EIF2S3: variants seen among roughly 807,000 people sequenced by gnomAD.
EIF2S3 encodes the protein eukaryotic translation initiation factor 2 subunit 3.
Under a neutral mutation model 31.7 loss-of-function variants are expected in EIF2S3, and 2 were observed. The ratio of observed to expected loss-of-function variants is 0.06; its 90% CI spans 0.03 to 0.20. EIF2S3 has a LOEUF of 0.20. Ranked by LOEUF, EIF2S3 falls within the 10% of genes least tolerant of loss-of-function variation. The probability of loss-of-function intolerance (pLI) is 1.00; values close to 1 mark genes in which losing one functional copy is unlikely to be tolerated. For missense variants in EIF2S3, 96 were observed against 359.3 expected, an observed-to-expected ratio of 0.27 and a Z score of 5.92; for synonymous variants, 120 against 126.7, an observed-to-expected ratio of 0.95 and a Z score of 0.36.
chrX:24,072,989 A>T (rs1049457751), intron 10 of EIF2S3, 102 bp from the exon 11 acceptor site: 1 of 912,663 alleles, frequency 1.1e-6, no homozygotes, highest in Non-Finnish European at 1.5e-6. Flanking sequence ...AATTTTTTTT[A>T]TGATTGACAT....
chrX:24,060,822 G>T (rs1272253211), intron 5 of EIF2S3, among the ~76,000 whole-genome samples: 1 of 106,979 alleles, frequency 9.3e-6, no homozygotes, highest in South Asian at 4.1e-4. Flanking sequence ...TTAGCCGGGT[G>T]TGGTGGCGCA....
In EIF2S3 at chrX:24,077,735, C is replaced by T. The variant is rs1057466974; in HGVS notation, c.*950C>T. 1 of 111,839 alleles carries T rather than the reference C, an allele frequency of 8.9e-6. No individual in the cohort carries two copies. The highest frequency in any genetic ancestry group is 3.2e-5 in the African/African-American group (1 of 30,814). The allele number at this position is 111,839 out of a possible 1,213,427, so 9.2% of individuals were successfully genotyped here. A position where few individuals can be genotyped will look rare whatever the true frequency, so the allele number is the denominator to read the frequency against. ...GGAAACCAGAGTCAAAAGTTATCTC[C>T]CTCTCCCTGTGATGCCTTGAGATTT... On this transcript the variant is annotated 3_prime_UTR_variant, in exon 12 of 12. Transcript: ENST00000253039.
In EIF2S3 at chrX:24,055,055, G is replaced by A. The variant is rs1481178771; in HGVS notation, c.69+18G>A. 6 of 1,209,058 alleles carry A rather than the reference G, an allele frequency of 5.0e-6. No homozygotes were observed. Among genetic ancestry groups the A allele is most frequent in the Non-Finnish European group, 6.7e-6 (6 of 893,775 alleles). ...CCACCTTGGTGAGGTTTTGCTTGGG[G>A]AGGATGCAGAGTGAGCTCAGGAGTG... On this transcript the variant is annotated intron_variant, in intron 1 of 11. Transcript: ENST00000253039.
intron 9 of EIF2S3, among the ~76,000 whole-genome samples, chrX:24,070,439 G>GTTTTTTTTTTTTTTTTTTT (rs768908773): frequency 2.0e-5 from 1 of 50,973 alleles, no homozygotes. Flanking sequence ...ATCATATGTA[G>GTTTTTTTTTTTTTTTTTTT]TTTTTTTTTT....
chrX:24,072,174 C>T (rs774318826), intron 10 of EIF2S3, among the ~76,000 whole-genome samples: 3 of 111,091 alleles, frequency 2.7e-5, no homozygotes, highest in African/African-American at 6.5e-5. Context: ...CCACTGCGTC[C>T]GGCCAAAATT....
At chrX:24,059,804 A>T (rs1210044542) in intron 4 of EIF2S3, among the ~76,000 whole-genome samples, 1 of 111,976 alleles carries the variant, frequency 8.9e-6, no homozygotes, top group Non-Finnish European at 1.9e-5. Flanking sequence ...AATCAATGAC[A>T]TTCTCAGTAT....
Position 24,073,272 on chromosome X carries a change from G to A in EIF2S3, c.1355+9G>A. 6 of 1,210,596 alleles carry A rather than the reference G, an allele frequency of 5.0e-6. No individual in the cohort carries two copies. The highest frequency in any genetic ancestry group is 5.6e-6 in the Non-Finnish European group (5 of 894,972). The stretch of plus-strand genomic sequence containing the variant: ...GTTGAAAAACACTGGCGGTAAGTTT[G>A]TTAGTCTTTGCCACTGTCTAATTAA... On this transcript the variant is annotated intron_variant, in intron 11 of 11. Transcript: ENST00000253039.
chrX:24,059,757 CGTGG>C (rs1930463236), intron 4 of EIF2S3, among the ~76,000 whole-genome samples: 1 of 111,901 alleles, frequency 8.9e-6, no homozygotes, highest in African/African-American at 3.3e-5. Flanking sequence ...ATTCTGTTAA[CGTGG>C]TTTTTATAAG....
intron 7 of EIF2S3, 46 bp from the exon 8 acceptor site, chrX:24,065,952 C>T: frequency 9.4e-7 from 1 of 1,069,447 alleles, no homozygotes; most frequent in Non-Finnish European, 1.3e-6. Flanking sequence ...AATATTTCTT[C>T]TAAAGTTAAG....
chrX:24,056,053 G>GT (rs914386433), intron 2 of EIF2S3, among the ~76,000 whole-genome samples: 14 of 111,502 alleles, frequency 1.3e-4, no homozygotes, highest in East Asian at 8.4e-4. Context: ...TAAATAGAAG[G>GT]TTTTTTTTCT....
At chrX:24,073,757 TC>T (rs1930709045) in intron 11 of EIF2S3, among the ~76,000 whole-genome samples, 1 of 112,190 alleles carries the variant, frequency 8.9e-6, no homozygotes, top group African/African-American at 3.2e-5. Flanking sequence ...TGGCTTCTCT[TC>T]CTGTTAGACA....
At chrX:24,072,906 G>T (rs1033211500) in intron 10 of EIF2S3, among the ~76,000 whole-genome samples, 185 bp from the exon 11 acceptor site, 2 of 111,967 alleles carry the variant, frequency 1.8e-5, no homozygotes, top group Non-Finnish European at 3.8e-5. Context: ...GGTAGATCTT[G>T]TGTAAATTCA....
intron 9 of EIF2S3, among the ~76,000 whole-genome samples, chrX:24,069,659 A>C (rs1321440668): frequency 5.9e-5 from 6 of 101,550 alleles, no homozygotes; most frequent in Non-Finnish European, 1.0e-4. Context: ...CTTTTTAAAA[A>C]TTTAACTTAA....
chrX:24,060,571 T>TTCCTAC (rs1448004440), intron 5 of EIF2S3: 9 of 177,138 alleles, frequency 5.1e-5, no homozygotes, highest in Admixed American at 5.0e-4. Flanking sequence ...ATATTCATAA[T>TTCCTAC]ACGTGCTGAA....
chrX:24,066,547 G>T (rs1369310928), intron 8 of EIF2S3, among the ~76,000 whole-genome samples: 2 of 104,914 alleles, frequency 1.9e-5, no homozygotes, highest in Admixed American at 2.1e-4. Context: ...TCTTGAGGCG[G>T]AGTCTTGCTG....
At chrX:24,065,780 A>G (rs1930563175) in intron 7 of EIF2S3, among the ~76,000 whole-genome samples, 1 of 111,967 alleles carries the variant, frequency 8.9e-6, no homozygotes, top group South Asian at 3.6e-4. Flanking sequence ...TAATACTGGT[A>G]TACCCTATAT....
Position 24,057,612 on chromosome X carries a change from CT to C in EIF2S3, c.262-14del. 2 of 1,209,445 alleles carry C rather than the reference CT, an allele frequency of 1.7e-6. No individual in the cohort carries two copies. Among genetic ancestry groups the C allele is most frequent in the Non-Finnish European group, 2.2e-6 (2 of 894,787 alleles). On this transcript the variant is annotated intron_variant, in intron 3 of 11. Transcript: ENST00000253039. ...TGTTGTGCAGATAACAAATCAAAAT[CT>C]TTTTTTATTGAAATTTTAGATTTAT...
At chrX:24,056,765 C>G (rs780827762) in intron 2 of EIF2S3, among the ~76,000 whole-genome samples, 1 of 111,331 alleles carries the variant, frequency 9.0e-6, no homozygotes, top group Non-Finnish European at 1.9e-5. Context: ...AGGCCGAGGT[C>G]GGAGGATTGC....
intron 5 of EIF2S3, among the ~76,000 whole-genome samples, 168 bp from the exon 6 acceptor site, chrX:24,062,248 G>A (rs1167071066): frequency 1.8e-5 from 2 of 110,789 alleles, no homozygotes; most frequent in Non-Finnish European, 3.8e-5. Flanking sequence ...CAGAACTTTT[G>A]TATCACCGCA....
Sources: allele counts gnomAD v4.1 joint callset (sites outside exome capture counted in the v4.1 genomes callset), GRCh38; gene constraint gnomAD v4.1.1; transcripts MANE v1.5; gene names NCBI Gene and HGNC (gene_info 2026-07-23, HGNC 2026-07-21).